Variants in PALD1 observed in about 807,000 individuals in gnomAD.
PALD1 encodes paladin.
PALD1 carries 57 observed loss-of-function variants against 96.0 expected under a neutral mutation model. The ratio of observed to expected loss-of-function variants is 0.59; its 90% CI spans 0.48 to 0.74. The LOEUF (loss-of-function observed/expected upper bound fraction) is 0.74. PALD1 is among the 30% of genes least tolerant of loss of function. The pLI, the probability that PALD1 is intolerant of heterozygous loss-of-function variation, is 0.00. For missense variants in PALD1, 1,063 were observed against 1,143.7 expected (o/e 0.93, Z 1.02); for synonymous variants, 464 against 473.6 (o/e 0.98, Z 0.26).
chr10:70,492,248 C>G (rs2132272753), intron 1 of PALD1, among the ~76,000 whole-genome samples: 1 of 152,120 alleles, frequency 6.6e-6, no homozygotes, highest in Admixed American at 6.5e-5. Flanking sequence ...TACAGACGGT[C>G]CCTGACTTAT....
intron 1 of PALD1, among the ~76,000 whole-genome samples, chr10:70,501,658 C>CT (rs1452969894): frequency 3.3e-5 from 5 of 151,732 alleles, no homozygotes; most frequent in Non-Finnish European, 4.4e-5. Flanking sequence ...TTTTGTCTTT[C>CT]TTTTTTTTCT....
At chr10:70,490,123 G>C (rs1324566760) in intron 1 of PALD1, among the ~76,000 whole-genome samples, 1 of 152,028 alleles carries the variant, frequency 6.6e-6, no homozygotes, top group Non-Finnish European at 1.5e-5. Context: ...AGGTTTCACC[G>C]TGTTGGCCAG....
At chr10:70,505,361 C>T (rs1385021472) in intron 1 of PALD1, among the ~76,000 whole-genome samples, 5 of 151,702 alleles carry the variant, frequency 3.3e-5, no homozygotes, top group Non-Finnish European at 7.4e-5. Context: ...TTTGGGAGGC[C>T]GAGGGAGGCG....
chr10:70,549,918 C>A (rs148548134), intron 18 of PALD1, among the ~76,000 whole-genome samples: 126 of 152,334 alleles, frequency 8.3e-4, no homozygotes, highest in African/African-American at 2.6e-3. Flanking sequence ...CCCACCAGGT[C>A]ACCCACCCCC....
chr10:70,547,290 C>G lies in PALD1; in HGVS notation c.2122-16C>G, dbSNP rs544327523. 20 of 1,612,830 alleles carry G rather than the reference C, an allele frequency of 1.2e-5. No homozygotes were observed. The highest frequency in any genetic ancestry group is 7.7e-5 in the South Asian group (7 of 91,052). ...TACCAGTTTTATGTCTGCTCACCCC[C>G]CTTCTCTGGCCCCAGGTAGTAATGA... On this transcript the variant is annotated splice_polypyrimidine_tract_variant and intron_variant, in intron 17 of 19. Coordinates refer to ENST00000263563, the MANE Select transcript of PALD1 (RefSeq NM_014431.3).
chr10:70,513,982 G>T (rs904170411), intron 1 of PALD1, among the ~76,000 whole-genome samples: 2 of 152,154 alleles, frequency 1.3e-5, no homozygotes, highest in Non-Finnish European at 2.9e-5. Context: ...TGAGAGGGAG[G>T]CTTCCCCCTG....
At chr10:70,475,807 T>C (rs766416969), upstream of PALD1, among the ~76,000 whole-genome samples, 3 of 152,156 alleles carry the variant, frequency 2.0e-5, no homozygotes, top group Non-Finnish European at 2.9e-5. Context: ...GATGGGGCAG[T>C]GGATGGCCAC....
chr10:70,554,716 GT>G (rs1847556761), intron 18 of PALD1, among the ~76,000 whole-genome samples: 1 of 151,888 alleles, frequency 6.6e-6, no homozygotes, highest in African/African-American at 2.4e-5. Flanking sequence ...GCTTTGCCTG[GT>G]GACGTTAATT....
intron 7 of PALD1, 26 bp downstream of exon 7, chr10:70,533,096 G>C: frequency 6.4e-7 from 1 of 1,554,940 alleles, no homozygotes; most frequent in Non-Finnish European, 8.7e-7. Context: ...GCGCGCATGG[G>C]GGAGGAGTCT....
chr10:70,476,499 G>A (rs1489667097), upstream of PALD1, among the ~76,000 whole-genome samples: 2 of 152,212 alleles, frequency 1.3e-5, no homozygotes, highest in African/African-American at 4.8e-5. Flanking sequence ...GACTTGGCAG[G>A]CCCTCTGGGG....
In PALD1 at chr10:70,534,446, G is replaced by A; in HGVS notation, c.1044G>A (p.Lys348=). 2 of 1,611,516 alleles carry A rather than the reference G, an allele frequency of 1.2e-6. No homozygotes were observed. The highest frequency in any genetic ancestry group is 1.7e-6 in the Non-Finnish European group (2 of 1,178,776). Residue 348 remains lysine (K), a synonymous_variant, in exon 9 of 20, where the codon AAG becomes AAA. Transcript: ENST00000263563. ...ACAGGGCTGCCCCCACGCAGGCCAA[G>A]CCCCTGCCTATGGAGCAGTTCCAGG... ...SQPEAAPTQA[K]PLPMEQFQVI... is the part of the protein sequence containing the mutation.
chr10:70,463,705 G>T, the PALD1 span, among the ~76,000 whole-genome samples: 1 of 152,028 alleles, frequency 6.6e-6, no homozygotes, highest in East Asian at 1.9e-4. Context: ...AAGGACTACA[G>T]GTGCTATGCT....
chr10:70,562,601 C>T (rs1430221621), intron 18 of PALD1, among the ~76,000 whole-genome samples: 3 of 152,168 alleles, frequency 2.0e-5, no homozygotes, highest in East Asian at 1.9e-4. Flanking sequence ...GCTGTGCCCT[C>T]GCACAGATGT....
intron 1 of PALD1, among the ~76,000 whole-genome samples, chr10:70,509,198 T>A (rs1207870827): frequency 1.3e-5 from 2 of 152,122 alleles, no homozygotes; most frequent in Non-Finnish European, 2.9e-5. Context: ...CGGTCCCTGC[T>A]CTAAGCTTCC....
chr10:70,539,891 G>A lies in PALD1; in HGVS notation c.1908+129G>A, dbSNP rs1334128095. 3 of 758,490 alleles carry A rather than the reference G, an allele frequency of 4.0e-6. No homozygotes were observed. Among genetic ancestry groups the A allele is most frequent in the Non-Finnish European group, 6.3e-6 (3 of 476,908 alleles). 47.0% of individuals were successfully genotyped at this position (758,490 alleles called of 1,614,324 possible). A position where few individuals can be genotyped will look rare whatever the true frequency, so the allele number is the denominator to read the frequency against. ...ACGGGGCCCGGGAATGGTCTCACGAGGTTTTCCGATTTGGCCCAAGTGGTT... is the reference window on the plus strand; with the variant it reads ...ACGGGGCCCGGGAATGGTCTCACGAAGTTTTCCGATTTGGCCCAAGTGGTT... On this transcript the variant is annotated intron_variant, in intron 15 of 19. Coordinates refer to ENST00000263563, the MANE Select transcript of PALD1 (RefSeq NM_014431.3). The surrounding 1 kb of genome is among the most constrained non-coding windows in gnomAD (Gnocchi z 4.5).
At position 70,524,055 on chromosome 10, in the gene PALD1, G is replaced by C. The variant is rs371153787; in HGVS notation, c.-29-1868G>C. On this transcript the variant is annotated intron_variant, in intron 1 of 19. Transcript: ENST00000263563. Reference sequence around the variant, plus strand: ...CCTACCTTCCACTTCTTGAGGTGATGCTGCTGCTTATGGGAGGGCTGGGGG... The same window carrying C: ...CCTACCTTCCACTTCTTGAGGTGATCCTGCTGCTTATGGGAGGGCTGGGGG... Among the ~76,000 whole-genome samples, 17 of 152,340 alleles carry C rather than the reference G, an allele frequency of 1.1e-4. No homozygotes were observed. The East Asian group carries it at 3.1e-3, about 28-fold the overall frequency.
At chr10:70,521,958 A>G (rs1462028618) in intron 1 of PALD1, among the ~76,000 whole-genome samples, 1 of 152,212 alleles carries the variant, frequency 6.6e-6, no homozygotes, top group Non-Finnish European at 1.5e-5. Context: ...AGAACTGTCA[A>G]AATACTTAAA....
At chr10:70,488,078 T>C (rs986892591) in intron 1 of PALD1, among the ~76,000 whole-genome samples, 1 of 152,220 alleles carries the variant, frequency 6.6e-6, no homozygotes, top group Non-Finnish European at 1.5e-5. Context: ...TATTGGTGAG[T>C]AGTATTCCAA....
In PALD1 at chr10:70,537,817, G is replaced by A. The variant is rs775432600; in HGVS notation, c.1234G>A (p.Gly412Ser). Residue 412 changes from glycine to serine, a missense_variant, in exon 11 of 20, where the codon GGC (glycine) becomes AGC (serine). By Grantham distance (56) the Gly-to-Ser change is moderately conservative. Transcript: ENST00000263563. ...IRPESPAQGS[G>S]SRHSVWQRAL... ...ACCCTGTCCTCTCTCTCAGGGAAGC[G>A]GCAGCCGACACAGCGTCTGGCAGAG... 120 of 1,611,760 alleles carry A rather than the reference G, an allele frequency of 7.4e-5. No individual in the cohort carries two copies. Among genetic ancestry groups the A allele is most frequent in the Admixed American group, 1.7e-4 (10 of 60,004 alleles).
Sources: gnomAD v4.1 joint callset for allele counts (sites outside exome capture counted in the v4.1 genomes callset) on GRCh38, gnomAD v4.1.1 for gene constraint, Gnocchi (gnomAD v3.1) non-coding constraint, MANE v1.5 for transcripts, NCBI Gene and HGNC (gene_info 2026-07-23, HGNC 2026-07-21) for gene names.